The following MLLT6 variants were observed in gnomAD, a reference collection of about 807,000 sequenced individuals.
The protein encoded by MLLT6 is MLLT6, PHD finger containing, also known as protein AF-17.
A neutral mutation model predicts 103.0 loss-of-function variants in MLLT6; 22 were observed. That is an observed-to-expected ratio of 0.21 (90% confidence interval 0.15 to 0.31). MLLT6 has a LOEUF of 0.31. MLLT6 is among the 10% of genes least tolerant of loss of function. The probability of loss-of-function intolerance (pLI) is 1.00; values close to 1 mark genes in which losing one functional copy is unlikely to be tolerated. For synonymous variants in MLLT6, 606 were observed against 623.5 expected, an observed-to-expected ratio of 0.97 and a Z score of 0.42; for missense variants, 1,199 against 1,441.7, an observed-to-expected ratio of 0.83 and a Z score of 2.73.
rs1905083933 is a variant in MLLT6 at position 38,709,831 on chromosome 17, G to A, written c.552+256G>A. Among the ~76,000 whole-genome samples, 1 of 152,252 alleles carries A rather than the reference G, an allele frequency of 6.6e-6. No individual in the cohort carries two copies. The highest frequency in any genetic ancestry group is 1.5e-5 in the Non-Finnish European group (1 of 68,046). The stretch of plus-strand genomic sequence containing the variant: ...CCTGTCAGAGTCTAGGAGGCTTCAA[G>A]GAAGAGGTAGCATTTAAGCTGAGTG... On this transcript the variant is annotated intron_variant, in intron 6 of 19. Transcript: ENST00000621332. The surrounding 1 kb of genome is among the most constrained non-coding windows in gnomAD (Gnocchi z 4.3).
rs1906113396 is a variant in MLLT6, at chr17:38,727,776, G to C, written c.*2178G>C. ...TGCCACTGCACTCCAGCCTGTGTGAGAGAGTGAGACTCTGTCTCAAAAGAG... is the reference window on the plus strand; with the variant it reads ...TGCCACTGCACTCCAGCCTGTGTGACAGAGTGAGACTCTGTCTCAAAAGAG... On this transcript the variant is annotated 3_prime_UTR_variant, in exon 20 of 20. Coordinates refer to ENST00000621332, the MANE Select transcript of MLLT6 (RefSeq NM_005937.4). 4.5e-6 allele frequency: 1 copy of C among 222,676 alleles called. No individual in the cohort carries two copies. Among genetic ancestry groups the C allele is most frequent in the Non-Finnish European group, 9.0e-6 (1 of 111,624 alleles). 13.8% of individuals were successfully genotyped at this position (222,676 alleles called of 1,614,324 possible).
At chr17:38,708,615 G>T (rs150257952) in intron 4 of MLLT6, among the ~76,000 whole-genome samples, 1 of 152,224 alleles carries the variant, frequency 6.6e-6, no homozygotes, top group Non-Finnish European at 1.5e-5. Context: ...ATTAAAAGCA[G>T]GCTGGGTGTG....
In MLLT6 at chr17:38,729,619, T is replaced by G; in HGVS notation, c.*4021T>G. ...CCAGGGGCTCCTTTTTCATTCTTTCTAAAACCTTGATATCCTCAGCCCAAA... is the reference window on the plus strand; with the variant it reads ...CCAGGGGCTCCTTTTTCATTCTTTCGAAAACCTTGATATCCTCAGCCCAAA... On this transcript the variant is annotated 3_prime_UTR_variant, in exon 20 of 20. Transcript: ENST00000621332. 3 of 232,102 alleles carry G rather than the reference T, an allele frequency of 1.3e-5. No individual in the cohort carries two copies. Among genetic ancestry groups the G allele is most frequent in the Non-Finnish European group, 8.5e-6 (1 of 117,110 alleles). 14.4% of individuals were successfully genotyped at this position (232,102 alleles called of 1,614,324 possible).
At chr17:38,720,266 C>T in intron 14 of MLLT6, 106 bp from the exon 15 acceptor site, 2 of 1,144,832 alleles carry the variant, frequency 1.7e-6, no homozygotes, top group Non-Finnish European at 2.5e-6. Context: ...GATGGCGCCG[C>T]CTTTTCAAGG....
At chr17:38,708,440 C>T (rs750157281) in intron 4 of MLLT6, among the ~76,000 whole-genome samples, 6 of 152,134 alleles carry the variant, frequency 3.9e-5, no homozygotes, top group Non-Finnish European at 8.8e-5. Flanking sequence ...TAAGGGCCCC[C>T]AGGTTCCAGG....
chr17:38,706,818 C>G, intron 1 of MLLT6, 132 bp from the exon 2 acceptor site: 1 of 664,234 alleles, frequency 1.5e-6, no homozygotes, highest in African/African-American at 1.8e-5. Flanking sequence ...AGTGAGTGAC[C>G]CGTAGACTGG....
intron 1 of MLLT6, 69 bp from the exon 2 acceptor site, chr17:38,706,881 C>A (rs1230406637): frequency 1.5e-6 from 2 of 1,349,236 alleles, no homozygotes; most frequent in Admixed American, 3.7e-5. Context: ...TCACCGCCTT[C>A]CCCCAGTTAC....
Position 38,717,626 on chromosome 17 carries a change from T to C in MLLT6, c.1833+13T>C. ...CTCCACCACTCAGGTGAGACCTGAC[T>C]CCTGGGCTCCTCCTTCCCTGGGCAG... On this transcript the variant is annotated intron_variant, in intron 11 of 19. Transcript: ENST00000621332. The C allele has an allele frequency of 6.2e-7, 1 of 1,610,894 alleles. No homozygotes were observed. Among genetic ancestry groups the C allele is most frequent in the Non-Finnish European group, 8.5e-7 (1 of 1,178,368 alleles).
Position 38,716,499 on chromosome 17 carries a change from A to T in MLLT6, c.1169A>T (p.Lys390Met). The T allele has an allele frequency of 6.2e-7, 1 of 1,614,084 alleles. No individual in the cohort carries two copies. The highest frequency in any genetic ancestry group is 1.1e-5 in the South Asian group (1 of 91,068). ...PPSPSAPEPP[K>M]ADLFEQKVVF... Reference sequence around the variant, plus strand: ...TCTCCCTCAGCTCCCGAGCCCCCCAAGGCTGACCTTTTTGAGCAGAAGGTG... The same window carrying T: ...TCTCCCTCAGCTCCCGAGCCCCCCATGGCTGACCTTTTTGAGCAGAAGGTG... Residue 390 changes from lysine (K) to methionine (M), a missense_variant, in exon 10 of 20, where the codon AAG (lysine) becomes ATG (methionine). Coordinates refer to ENST00000621332, the MANE Select transcript of MLLT6 (RefSeq NM_005937.4). This position sits in a 1 kb window ranked among gnomAD's most constrained non-coding sequence, Gnocchi z 5.6.
chr17:38,706,801 G>C, intron 1 of MLLT6, 149 bp from the exon 2 acceptor site: 3 of 584,562 alleles, frequency 5.1e-6, no homozygotes, highest in Non-Finnish European at 9.2e-6. Flanking sequence ...GGGCAGTCCT[G>C]CTGTAGAGTG....
In MLLT6 at chr17:38,715,836, T is replaced by C. The variant is rs1228463261; in HGVS notation, c.1036+8T>C. ...GGCCCTTCCAGCCTGCAGGTGAGTGTGGGCATCCGGGAGGAAGCTGGGAGC... is the reference window on the plus strand; with the variant it reads ...GGCCCTTCCAGCCTGCAGGTGAGTGCGGGCATCCGGGAGGAAGCTGGGAGC... On this transcript the variant is annotated splice_region_variant and intron_variant, in intron 9 of 19. Coordinates refer to ENST00000621332, the MANE Select transcript of MLLT6 (RefSeq NM_005937.4). The C allele has an allele frequency of 6.3e-7, 1 of 1,579,702 alleles. No individual in the cohort carries two copies. The highest frequency in any genetic ancestry group is 8.6e-7 in the Non-Finnish European group (1 of 1,161,864).
rs1274926202 is a variant in MLLT6 at position 38,727,377 on chromosome 17, G to C, written c.*1779G>C. The C allele has an allele frequency of 4.3e-6, 1 of 231,962 alleles. No homozygotes were observed. Among genetic ancestry groups the C allele is most frequent in the African/African-American group, 2.2e-5 (1 of 45,196 alleles). The allele number at this position is 231,962 out of a possible 1,614,324, so 14.4% of individuals were successfully genotyped here. A position where few individuals can be genotyped will look rare whatever the true frequency, so the allele number is the denominator to read the frequency against. On this transcript the variant is annotated 3_prime_UTR_variant, in exon 20 of 20. Coordinates refer to ENST00000621332, the MANE Select transcript of MLLT6 (RefSeq NM_005937.4). Reference sequence around the variant, plus strand: ...CAAGGGCTTGGGGGAGGGGGAGGCAGTTGTGATGACCTCAGAAATACTCAC... The same window carrying C: ...CAAGGGCTTGGGGGAGGGGGAGGCACTTGTGATGACCTCAGAAATACTCAC...
At chr17:38,723,935 G>T (rs1598003390) in intron 18 of MLLT6, among the ~76,000 whole-genome samples, 1 of 151,850 alleles carries the variant, frequency 6.6e-6, no homozygotes, top group African/African-American at 2.4e-5. Context: ...TAGAGATGGG[G>T]TTTCACCATG....
rs781415817 is a variant in MLLT6 at position 38,719,647 on chromosome 17, C to T, written c.2009+64C>T. On this transcript the variant is annotated intron_variant, in intron 13 of 19. Coordinates refer to ENST00000621332, the MANE Select transcript of MLLT6 (RefSeq NM_005937.4). ...GGAGGGACACCCGAGGGAGGAGGGA[C>T]GGAGAGACCGGCGTGGGCTGGAACC... 64 of 1,566,326 alleles carry T rather than the reference C, an allele frequency of 4.1e-5. 2 individuals carry two copies. The South Asian group carries it at 7.0e-4, about 17-fold the overall frequency.
At position 38,728,282 on chromosome 17, in the gene MLLT6, G is replaced by T. The variant is rs1598006431; in HGVS notation, c.*2684G>T. 4.3e-6 allele frequency: 1 copy of T among 233,236 alleles called. No homozygotes were observed. The highest frequency in any genetic ancestry group is 5.6e-5 in the Admixed American group (1 of 17,774). 14.4% of individuals were successfully genotyped at this position (233,236 alleles called of 1,614,324 possible). On this transcript the variant is annotated 3_prime_UTR_variant, in exon 20 of 20. Transcript: ENST00000621332. ...TCAGGAGGAGCAGAATACCAACGCA[G>T]GGGGATGGCTGTAACGATCTCACCG...
rs761324795 is a variant in MLLT6 at position 38,720,804 on chromosome 17, C to T, written c.2442+57C>T. On this transcript the variant is annotated intron_variant, in intron 16 of 19. Coordinates refer to ENST00000621332, the MANE Select transcript of MLLT6 (RefSeq NM_005937.4). ...GGGGGAGACTCAAGGCTCTCCTGGT[C>T]CCATCTCTTCCCCGCAGCTATTGGA... 2.1e-6 allele frequency: 3 copies of T among 1,450,346 alleles called. No homozygotes were observed. The East Asian group carries it at 6.9e-5, about 33-fold the overall frequency. 89.8% of individuals were successfully genotyped at this position (1,450,346 alleles called of 1,614,324 possible).
Position 38,705,603 on chromosome 17 carries a change from GCCCCAGC to G in MLLT6, c.-26_-20del. 2.5e-6 allele frequency: 1 copy of G among 407,872 alleles called. No individual in the cohort carries two copies. The highest frequency in any genetic ancestry group is 4.3e-6 in the Non-Finnish European group (1 of 234,464). The allele number at this position is 407,872 out of a possible 1,614,324, so 25.3% of individuals were successfully genotyped here. A position where few individuals can be genotyped will look rare whatever the true frequency, so the allele number is the denominator to read the frequency against. ...CCCGACCCCCGCCGGCCGGCCCCCCGCCCCAGCCCCGGAGGGAGCTCATGGGAGTATG... is the reference window on the plus strand; with the variant it reads ...CCCGACCCCCGCCGGCCGGCCCCCCGCCCGGAGGGAGCTCATGGGAGTATG... On this transcript the variant is annotated 5_prime_UTR_variant, in exon 1 of 20. Coordinates refer to ENST00000621332, the MANE Select transcript of MLLT6 (RefSeq NM_005937.4).
In MLLT6 at chr17:38,709,159, G is replaced by T. The variant is rs759354558; in HGVS notation, c.355-14G>T. 8.1e-6 allele frequency: 13 copies of T among 1,603,390 alleles called. No individual in the cohort carries two copies. In the Admixed American group the frequency reaches 8.7e-5, roughly 11 times the overall value. On this transcript the variant is annotated splice_polypyrimidine_tract_variant and intron_variant, in intron 4 of 19. Transcript: ENST00000621332. The surrounding 1 kb of genome is among the most constrained non-coding windows in gnomAD (Gnocchi z 4.3). ...GCTCCCTGGAGGAGGGGACGATTGCGCTGTGTCCTGCAGACCTGTTACATC... is the reference window on the plus strand; with the variant it reads ...GCTCCCTGGAGGAGGGGACGATTGCTCTGTGTCCTGCAGACCTGTTACATC...
At chr17:38,706,014 C>T (rs1057488964) in intron 1 of MLLT6, 13 of 187,174 alleles carry the variant, frequency 6.9e-5, no homozygotes, top group Admixed American at 1.2e-4. Context: ...CTCCCCACGC[C>T]CCACACCGCG....
Sources: gnomAD v4.1 joint callset for allele counts (sites outside exome capture counted in the v4.1 genomes callset) on GRCh38, gnomAD v4.1.1 for gene constraint, Gnocchi (gnomAD v3.1) non-coding constraint, MANE v1.5 for transcripts, NCBI Gene and HGNC (gene_info 2026-07-23, HGNC 2026-07-21) for gene names.